The following ADAMTS13 variants were observed in gnomAD, a reference collection of about 807,000 sequenced individuals.
The protein encoded by ADAMTS13 is A disintegrin and metalloproteinase with thrombospondin motifs 13.
A neutral mutation model predicts 155.1 loss-of-function variants in ADAMTS13; 110 were observed. The observed-to-expected ratio is 0.71, with a 90% CI of 0.61 to 0.83. The LOEUF is 0.83. Among genes scored for constraint, ADAMTS13 ranks in the 40% least tolerant of loss-of-function variants. The pLI is 0.00. For missense variants in ADAMTS13, 1,707 were observed against 1,891.7 expected (o/e 0.90, Z 1.81); for synonymous variants, 758 against 756.4 (o/e 1.00, Z -0.03).
rs1176160144 is a variant in ADAMTS13, at chr9:133,440,309, G to A, written c.1787-35G>A. On this transcript the variant is annotated intron_variant, in intron 15 of 28. Coordinates refer to ENST00000355699, the MANE Select transcript of ADAMTS13 (RefSeq NM_139027.6). This position sits in a 1 kb window ranked among gnomAD's most constrained non-coding sequence, Gnocchi z 4.3. Reference sequence around the variant, plus strand: ...TGCCTGTGAGGAGGATGGGTGCTCAGCTCCACACAGCTAACAGGGCTGGTT... The same window carrying A: ...TGCCTGTGAGGAGGATGGGTGCTCAACTCCACACAGCTAACAGGGCTGGTT... The A allele has an allele frequency of 6.2e-7, 1 of 1,613,046 alleles. No individual in the cohort carries two copies. Among genetic ancestry groups the A allele is most frequent in the Non-Finnish European group, 8.5e-7 (1 of 1,179,838 alleles).
At chr9:133,416,663 C>T (rs1839629006) in intron 1 of ADAMTS13, among the ~76,000 whole-genome samples, 1 of 152,220 alleles carries the variant, frequency 6.6e-6, no homozygotes, top group Non-Finnish European at 1.5e-5. Flanking sequence ...TACAGAAGTG[C>T]AGGTCACTAG....
At chr9:133,427,990 C>A (rs1181764733) in intron 6 of ADAMTS13, among the ~76,000 whole-genome samples, 1 of 152,200 alleles carries the variant, frequency 6.6e-6, no homozygotes, top group African/African-American at 2.4e-5. Flanking sequence ...GGCTTCCCAC[C>A]CCTCCCTGTT....
rs370717651 is a variant in ADAMTS13 at position 133,432,352 on chromosome 9, GAC to G, written c.988-232_988-231del. ...AGTTAAGAAGGAAAAAAAGAAAAAA[GAC>G]ACAAAAAACACATTTCCATGGGCCC... On this transcript the variant is annotated intron_variant, in intron 8 of 28. Coordinates refer to ENST00000355699, the MANE Select transcript of ADAMTS13 (RefSeq NM_139027.6). Among the ~76,000 whole-genome samples the G allele has an allele frequency of 7.9e-4, 121 of 152,336 alleles. 2 individuals are homozygous for G. The East Asian group carries it at 0.021, about 26-fold the overall frequency.
intron 22 of ADAMTS13, among the ~76,000 whole-genome samples, chr9:133,448,977 G>A (rs926653139): frequency 6.6e-6 from 1 of 152,026 alleles, no homozygotes; most frequent in African/African-American, 2.4e-5. Context: ...AAGGAGACAG[G>A]GGGTGCTAGG....
Position 133,443,357 on chromosome 9 carries a change from G to T in ADAMTS13, c.2235-19G>T. On this transcript the variant is annotated intron_variant, in intron 18 of 28. Transcript: ENST00000355699. ...CCTGGGACCTGGCCAGGGTCCCGAC[G>T]CTCTGTCTCCTTCCTCAGCTGGGCG... 6.3e-7 allele frequency: 1 copy of T among 1,586,448 alleles called. No individual in the cohort carries two copies. The highest frequency in any genetic ancestry group is 8.5e-7 in the Non-Finnish European group (1 of 1,173,208).
intron 8 of ADAMTS13, among the ~76,000 whole-genome samples, chr9:133,431,949 C>G (rs781983235): frequency 6.6e-6 from 1 of 152,154 alleles, no homozygotes; most frequent in Non-Finnish European, 1.5e-5. Context: ...CCACAGTGCC[C>G]GGCCTTTTTC....
intron 11 of ADAMTS13, among the ~76,000 whole-genome samples, chr9:133,435,752 T>G (rs1246144854): frequency 6.6e-6 from 1 of 151,846 alleles, no homozygotes; most frequent in Non-Finnish European, 1.5e-5. Flanking sequence ...CGGGATGGTC[T>G]TGATCTCCTG....
chr9:133,454,335 G>A (rs982322939), intron 23 of ADAMTS13, 80 bp from the exon 24 acceptor site: 35 of 1,524,126 alleles, frequency 2.3e-5, no homozygotes, highest in Admixed American at 3.3e-5. Flanking sequence ...CCGAGTACAC[G>A]TGGGTGGAGA....
intron 24 of ADAMTS13, 32 bp downstream of exon 24, chr9:133,454,651 G>C: frequency 6.4e-7 from 1 of 1,561,330 alleles, no homozygotes. Flanking sequence ...AATCCCTATG[G>C]GGCTGGGGTG....
intron 23 of ADAMTS13, among the ~76,000 whole-genome samples, chr9:133,453,106 A>T (rs2130930789): frequency 6.6e-6 from 1 of 151,862 alleles, no homozygotes; most frequent in East Asian, 2.0e-4. Context: ...GTTCTAGACC[A>T]GCCTGGGCAA....
chr9:133,429,610 T>TA (rs1564413499), intron 7 of ADAMTS13: 2 of 307,878 alleles, frequency 6.5e-6, no homozygotes, highest in Admixed American at 3.7e-5. Context: ...CACCCCTATC[T>TA]CCCCCACCCG....
chr9:133,434,826 CT>C (rs1841056136), intron 11 of ADAMTS13, among the ~76,000 whole-genome samples: 1 of 152,308 alleles, frequency 6.6e-6, no homozygotes, highest in South Asian at 2.1e-4. Context: ...ATTGGTTTCC[CT>C]TCTGTCTCTG....
Position 133,432,707 on chromosome 9 carries a change from T to G in ADAMTS13, c.1092+15T>G, listed in dbSNP as rs1554787845. On this transcript the variant is annotated intron_variant, in intron 9 of 28. Transcript: ENST00000355699. ...GCGTGGAGAAGGTCAGAGCCAAGAGTGAATGAGTGGGCTCCTGTGAGCACG... is the reference window on the plus strand; with the variant it reads ...GCGTGGAGAAGGTCAGAGCCAAGAGGGAATGAGTGGGCTCCTGTGAGCACG... The G allele has an allele frequency of 1.3e-6, 2 of 1,550,944 alleles. No individual in the cohort carries two copies. The highest frequency in any genetic ancestry group is 1.7e-6 in the Non-Finnish European group (2 of 1,147,926).
chr9:133,427,310 C>G (rs1203786870), intron 6 of ADAMTS13, among the ~76,000 whole-genome samples: 2 of 152,194 alleles, frequency 1.3e-5, no homozygotes, highest in Non-Finnish European at 2.9e-5. Context: ...TACCTATAAC[C>G]ATTTACCTAG....
chr9:133,452,117 C>T (rs1413742415), intron 23 of ADAMTS13, among the ~76,000 whole-genome samples: 2 of 138,448 alleles, frequency 1.4e-5, no homozygotes, highest in Non-Finnish European at 3.3e-5. Context: ...TTTTTTTCTT[C>T]TCCTTTTTTT....
rs28645493 is a variant in ADAMTS13, at chr9:133,440,617, C to G, written c.1968+92C>G. The G allele has an allele frequency of 0.081, 113,196 of 1,392,044 alleles. 5,285 individuals are homozygous for G. The highest frequency in any genetic ancestry group is 0.095 in the Middle Eastern group (401 of 4,230). 86.2% of individuals were successfully genotyped at this position (1,392,044 alleles called of 1,614,324 possible). On this transcript the variant is annotated intron_variant, in intron 16 of 28. Coordinates refer to ENST00000355699, the MANE Select transcript of ADAMTS13 (RefSeq NM_139027.6). This position sits in a 1 kb window ranked among gnomAD's most constrained non-coding sequence, Gnocchi z 4.3. ...TTGTCTATCCATCCATTCCCTGATT[C>G]GTTCATTTATTCATTCAGCGGTCAC...
Position 133,449,941 on chromosome 9 carries a change from G to A in ADAMTS13, c.3020G>A (p.Cys1007Tyr). Residue 1007 changes from cysteine (C) to tyrosine (Y), a missense_variant, in exon 23 of 29, where the codon TGC becomes TAC. Physicochemically the swap from Cys to Tyr is radical, Grantham distance 194 (BLOSUM62 -2). This residue lies in a region of ADAMTS13 where 961 missense variants were observed against 1,107.9 expected (regional missense o/e 0.87). Coordinates refer to ENST00000355699, the MANE Select transcript of ADAMTS13 (RefSeq NM_139027.6). Reference protein sequence around the residue: ...GLPRPEPQEACSLEPCPPRWK... With the variant: ...GLPRPEPQEAYSLEPCPPRWK... The stretch of plus-strand genomic sequence containing the variant: ...CCTCGCCCGGAACCCCAGGAGGCCT[G>A]CAGCCTGGAGCCCTGCCCACCTAGG... The A allele has an allele frequency of 1.2e-6, 2 of 1,607,554 alleles. No homozygotes were observed. The highest frequency in any genetic ancestry group is 1.7e-6 in the Non-Finnish European group (2 of 1,178,162).
intron 6 of ADAMTS13, among the ~76,000 whole-genome samples, chr9:133,427,607 G>A (rs1840369894): frequency 6.6e-6 from 1 of 152,164 alleles, no homozygotes; most frequent in African/African-American, 2.4e-5. Flanking sequence ...GGCTTAGCCT[G>A]GGAGGGTTCT....
At chr9:133,414,601 A>G (rs782532389) in exon 1 of ADAMTS13, 25 of 1,438,078 alleles carry the variant, frequency 1.7e-5, no homozygotes, top group Non-Finnish European at 2.5e-5. Context: ...AGCCTCCATA[A>G]GGAGACAGGC....
Sources: allele counts gnomAD v4.1 joint callset (sites outside exome capture counted in the v4.1 genomes callset), GRCh38; gene constraint gnomAD v4.1.1; regional missense constraint gnomAD v4.1.1; non-coding constraint Gnocchi (gnomAD v3.1); transcripts MANE v1.5; gene names NCBI Gene and HGNC (gene_info 2026-07-23, HGNC 2026-07-21).